The following DAB1 variants were observed in gnomAD, a reference collection of about 807,000 sequenced individuals.
DAB1 encodes the protein DAB adaptor protein 1.
DAB1 carries 15 observed loss-of-function variants against 64.6 expected under a neutral mutation model. That is an observed-to-expected ratio of 0.23 (90% CI 0.16 to 0.36). DAB1 has a LOEUF of 0.36. Ranked by LOEUF, DAB1 falls within the 10% of genes least tolerant of loss-of-function variation. The pLI, the probability that DAB1 is intolerant of heterozygous loss-of-function variation, is 1.00. For synonymous variants in DAB1, 235 were observed against 251.9 expected, an observed-to-expected ratio of 0.93 and a Z score of 0.64; for missense variants, 596 against 706.7, an observed-to-expected ratio of 0.84 and a Z score of 1.78.
chr1:58,138,733 G>A (rs1302333550), intron 5 of DAB1, among the ~76,000 whole-genome samples: 2 of 152,180 alleles, frequency 1.3e-5, no homozygotes, highest in South Asian at 4.1e-4. Context: ...AAGCTTGAAG[G>A]AGGAAGATCA....
At chr1:57,781,116 CTCTCTCTCTCTATATATATATATATATA>C (rs1471302596) in intron 6 of DAB1, among the ~76,000 whole-genome samples, 814 of 58,840 alleles carry the variant, frequency 0.014, 4 homozygotes, top group East Asian at 0.046. Flanking sequence ...CTCTCTCTCT[CTCTCTCTCTCTATATATATATATATATA>C]TATATATATA....
At chr1:57,810,780 G>A (rs185901386) in intron 6 of DAB1, among the ~76,000 whole-genome samples, 3 of 152,256 alleles carry the variant, frequency 2.0e-5, no homozygotes, top group African/African-American at 7.2e-5. Flanking sequence ...AGGCCCTAAG[G>A]TCTCTATTAG....
intron 6 of DAB1, among the ~76,000 whole-genome samples, chr1:57,654,936 T>C (rs1441517096): frequency 2.6e-5 from 4 of 152,202 alleles, no homozygotes; most frequent in Admixed American, 2.0e-4. Flanking sequence ...ATTTATATAA[T>C]ATAAAGTCAG....
chr1:57,852,275 C>T (rs1653562367), intron 1 of DAB1, among the ~76,000 whole-genome samples: 2 of 152,264 alleles, frequency 1.3e-5, no homozygotes, highest in South Asian at 2.1e-4. Flanking sequence ...ACAGGCCTTG[C>T]TTGGTTCTCC....
intron 7 of DAB1, among the ~76,000 whole-genome samples, chr1:57,573,691 T>C (rs1439201833): frequency 6.6e-6 from 1 of 152,218 alleles, no homozygotes; most frequent in East Asian, 1.9e-4. Flanking sequence ...CCTGGGCTAC[T>C]GAGCCTCCGT....
intron 7 of DAB1, among the ~76,000 whole-genome samples, chr1:57,476,260 A>C (rs61538926): frequency 0.014 from 2,125 of 151,712 alleles, 39 homozygotes; most frequent in East Asian, 0.12. Context: ...AAAACAAAAA[A>C]AAACCAGTAT....
intron 4 of DAB1, among the ~76,000 whole-genome samples, chr1:58,175,245 A>G (rs1194119207): frequency 6.6e-6 from 1 of 152,194 alleles, no homozygotes; most frequent in Non-Finnish European, 1.5e-5. Flanking sequence ...CTCCGGATGC[A>G]CCACCTTTAA....
At chr1:58,410,301 C>G (rs1034462339) in intron 3 of DAB1, among the ~76,000 whole-genome samples, 1 of 152,170 alleles carries the variant, frequency 6.6e-6, no homozygotes, top group Non-Finnish European at 1.5e-5. Flanking sequence ...TTCCAGCCTT[C>G]AGATAACAAT....
rs948035910 is a variant in DAB1 at position 58,089,864 on chromosome 1, T to A, written n.387+60647A>T. On this transcript the variant is annotated intron_variant and non_coding_transcript_variant, in intron 5 of 20. Transcript: ENST00000485760. ...AGCACCCAGTGTTTCAGGGCCACCATCCGCTGGGGGCAGACAAGAACCGTT... is the reference window on the plus strand; with the variant it reads ...AGCACCCAGTGTTTCAGGGCCACCAACCGCTGGGGGCAGACAAGAACCGTT... Among the ~76,000 whole-genome samples the A allele has an allele frequency of 3.3e-5, 5 of 152,212 alleles. No individual in the cohort carries two copies. The East Asian group carries it at 7.7e-4, about 23-fold the overall frequency.
intron 3 of DAB1, among the ~76,000 whole-genome samples, chr1:58,496,281 G>A (rs1285577705): frequency 2.6e-5 from 4 of 151,690 alleles, no homozygotes; most frequent in African/African-American, 7.3e-5. Flanking sequence ...AGCCTCCACC[G>A]AAAGTTTTAC....
chr1:57,784,765 C>A (rs1650261512), intron 6 of DAB1, among the ~76,000 whole-genome samples: 1 of 152,126 alleles, frequency 6.6e-6, no homozygotes, highest in Non-Finnish European at 1.5e-5. Flanking sequence ...ATCTCCACAA[C>A]AAAAGAAGCA....
intron 6 of DAB1, among the ~76,000 whole-genome samples, chr1:57,679,166 T>G (rs1484363358): frequency 6.6e-6 from 1 of 152,120 alleles, no homozygotes; most frequent in East Asian, 1.9e-4. Flanking sequence ...AGTGGCCAAG[T>G]TTTGAATCTA....
At chr1:58,327,513 A>C (rs1054051408) in intron 4 of DAB1, among the ~76,000 whole-genome samples, 22 of 152,026 alleles carry the variant, frequency 1.4e-4, no homozygotes, top group African/African-American at 4.6e-4. Flanking sequence ...TTAAACCCTG[A>C]CTCCACTGCT....
At chr1:58,304,403 G>A (rs1662253039) in intron 4 of DAB1, among the ~76,000 whole-genome samples, 1 of 152,080 alleles carries the variant, frequency 6.6e-6, no homozygotes, top group African/African-American at 2.4e-5. Flanking sequence ...GCAGAGGAAT[G>A]GTAAATGAGC....
intron 5 of DAB1, among the ~76,000 whole-genome samples, chr1:58,022,795 G>A (rs1646833106): frequency 6.6e-6 from 1 of 152,092 alleles, no homozygotes; most frequent in South Asian, 2.1e-4. Context: ...TCTAGCCAAA[G>A]TTTTAATTTT....
intron 9 of DAB1, among the ~76,000 whole-genome samples, chr1:57,053,688 A>ATATATATATATATATATATT (rs1447741565): frequency 2.8e-5 from 2 of 71,422 alleles, no homozygotes; most frequent in African/African-American, 5.5e-5. Context: ...ATATATATAT[A>ATATATATATATATATATATT]TTTTTTTTTT....
intron 5 of DAB1, among the ~76,000 whole-genome samples, chr1:58,005,593 T>C (rs1646569811): frequency 7.4e-6 from 1 of 135,828 alleles, no homozygotes; most frequent in Non-Finnish European, 1.5e-5. Context: ...AGGGGCTCTG[T>C]GCGCCTGCCT....
chr1:57,475,564 C>T (rs17115858), intron 7 of DAB1, among the ~76,000 whole-genome samples: 3,615 of 152,304 alleles, frequency 0.024, 152 homozygotes, highest in African/African-American at 0.08. Flanking sequence ...CACTTGCTGA[C>T]GTCACCATAT....
intron 7 of DAB1, among the ~76,000 whole-genome samples, chr1:57,498,715 A>T (rs573564879): frequency 5.2e-5 from 8 of 152,384 alleles, no homozygotes; most frequent in African/African-American, 1.9e-4. Context: ...CCTTTTAAAA[A>T]TAGCTATGCA....
Sources: allele counts gnomAD v4.1 joint callset (sites outside exome capture counted in the v4.1 genomes callset), GRCh38; gene constraint gnomAD v4.1.1; transcripts MANE v1.5; gene names NCBI Gene and HGNC (gene_info 2026-07-23, HGNC 2026-07-21).